SSH2: variants seen among roughly 807,000 people sequenced by gnomAD.
SSH2 encodes slingshot protein phosphatase 2, also known as protein phosphatase Slingshot homolog 2.
A neutral mutation model predicts 135.2 loss-of-function variants in SSH2; 37 were observed. The observed-to-expected ratio is 0.27, with a 90% CI of 0.21 to 0.36. The LOEUF (loss-of-function observed/expected upper bound fraction) is 0.36. Ranked by LOEUF, SSH2 falls within the 10% of genes least tolerant of loss-of-function variation. SSH2 has a pLI of 1.00. For missense variants in SSH2, 1,408 were observed against 1,765.3 expected (o/e 0.80, Z 3.63); for synonymous variants, 628 against 646.2 (o/e 0.97, Z 0.43).
intron 3 of SSH2, among the ~76,000 whole-genome samples, chr17:29,731,428 T>C (rs2040192541): frequency 1.4e-5 from 1 of 71,790 alleles, no homozygotes; most frequent in African/African-American, 6.1e-5. Context: ...TTTATTTATT[T>C]ATTTATTTAT....
chr17:29,719,606 A>G (rs1346861618), intron 3 of SSH2, among the ~76,000 whole-genome samples: 1 of 151,216 alleles, frequency 6.6e-6, no homozygotes, highest in Non-Finnish European at 1.5e-5. Context: ...GATGCCTAGT[A>G]CTTTACAACC....
intron 11 of SSH2, among the ~76,000 whole-genome samples, chr17:29,656,065 C>T (rs1415715845): frequency 3.9e-5 from 6 of 152,242 alleles, no homozygotes; most frequent in African/African-American, 1.2e-4. Flanking sequence ...TGGAAACCCA[C>T]GCACCTTGCA....
chr17:29,699,834 G>C (rs1269545701), intron 4 of SSH2, among the ~76,000 whole-genome samples: 1 of 152,128 alleles, frequency 6.6e-6, no homozygotes, highest in African/African-American at 2.4e-5. Context: ...TTTTGGGGAA[G>C]TGTCCTCCCC....
intron 11 of SSH2, among the ~76,000 whole-genome samples, chr17:29,656,737 TC>T (rs953967493): frequency 1.3e-5 from 2 of 152,166 alleles, no homozygotes; most frequent in African/African-American, 4.8e-5. Flanking sequence ...TCATACTTTT[TC>T]CCCCTGAACC....
chr17:29,690,836 G>A (rs1404191595), intron 5 of SSH2, among the ~76,000 whole-genome samples: 2 of 151,918 alleles, frequency 1.3e-5, no homozygotes, highest in African/African-American at 4.8e-5. Flanking sequence ...GATAAACTAT[G>A]AAGAAAGTAG....
At chr17:29,642,575 C>A (rs538206900) in intron 14 of SSH2, among the ~76,000 whole-genome samples, 2 of 151,872 alleles carry the variant, frequency 1.3e-5, no homozygotes, top group African/African-American at 4.8e-5. Context: ...ACCACCCCCC[C>A]CACCGCCTCT....
chr17:29,660,919 T>C (rs1341934210), intron 11 of SSH2, among the ~76,000 whole-genome samples: 1 of 151,542 alleles, frequency 6.6e-6, no homozygotes, highest in East Asian at 1.9e-4. Context: ...TAGCCTGGTA[T>C]GGTGGTGCGT....
Position 29,632,677 on chromosome 17 carries a change from G to C in SSH2, c.2517C>G (p.Ala839=), listed in dbSNP as rs777116698. 6.2e-7 allele frequency: 1 copy of C among 1,614,094 alleles called. No homozygotes were observed. Among genetic ancestry groups the C allele is most frequent in the South Asian group, 1.1e-5 (1 of 91,084 alleles). ...CTGAGTCTTTGGCTAGTTCAGGCTG[G>C]GCTGTGCAGGAGTCCTCATCTTGCT... ...HMEQDEDSCT[A]QPELAKDSGM... is the part of the protein sequence containing the mutation. Residue 839 remains alanine, a synonymous_variant, in exon 16 of 16, where the codon GCC becomes GCG. Coordinates refer to ENST00000540801, the MANE Select transcript of SSH2 (RefSeq NM_001282129.2).
chr17:29,928,428 T>C lies in SSH2; in HGVS notation c.63+1510A>G, dbSNP rs2067109311. ...AGTCCCCCACTGCAGGAATTCTTTA[T>C]ACCACCTCCCAGGCAAAATGTTCTC... On this transcript the variant is annotated intron_variant, in intron 1 of 15. Coordinates refer to ENST00000540801, the MANE Select transcript of SSH2 (RefSeq NM_001282129.2). 1.3e-5 allele frequency: 5 copies of C among 398,116 alleles called. No individual in the cohort carries two copies. The South Asian group carries it at 3.9e-4, about 31-fold the overall frequency. 24.7% of individuals were successfully genotyped at this position (398,116 alleles called of 1,614,324 possible).
intron 3 of SSH2, among the ~76,000 whole-genome samples, chr17:29,719,612 C>G (rs1230764152): frequency 6.7e-6 from 1 of 149,128 alleles, no homozygotes; most frequent in Non-Finnish European, 1.5e-5. Flanking sequence ...TAGTACTTTA[C>G]AACCACTATC....
chr17:29,686,954 C>T (rs1429058103), intron 5 of SSH2, among the ~76,000 whole-genome samples: 3 of 152,200 alleles, frequency 2.0e-5, no homozygotes, highest in Non-Finnish European at 4.4e-5. Context: ...GGATTACAGG[C>T]GTGAGCCACC....
At chr17:29,848,561 A>G (rs1259741030) in intron 2 of SSH2, among the ~76,000 whole-genome samples, 1 of 151,996 alleles carries the variant, frequency 6.6e-6, no homozygotes, top group Non-Finnish European at 1.5e-5. Flanking sequence ...AAAGAGTCAC[A>G]CTCTTTATTG....
At chr17:29,689,872 G>A (rs1446285023) in intron 5 of SSH2, among the ~76,000 whole-genome samples, 1 of 151,722 alleles carries the variant, frequency 6.6e-6, no homozygotes, top group Non-Finnish European at 1.5e-5. Context: ...AAATTAGCAG[G>A]GCATCATGGC....
intron 1 of SSH2, among the ~76,000 whole-genome samples, chr17:29,892,113 G>A (rs2066361963): frequency 6.6e-6 from 1 of 151,414 alleles, no homozygotes; most frequent in African/African-American, 2.4e-5. Flanking sequence ...TGTTGCCCAG[G>A]TTGGCCTTGA....
At chr17:29,844,181 T>C (rs1418468225) in intron 2 of SSH2, among the ~76,000 whole-genome samples, 2 of 152,114 alleles carry the variant, frequency 1.3e-5, no homozygotes, top group East Asian at 1.9e-4. Flanking sequence ...TTCAAGAATA[T>C]AACAAACCAA....
intron 1 of SSH2, among the ~76,000 whole-genome samples, chr17:29,909,044 T>C (rs2066715046): frequency 6.6e-6 from 1 of 151,910 alleles, no homozygotes; most frequent in African/African-American, 2.4e-5. Context: ...GCCACTGCAC[T>C]CCAGCCTGGG....
intron 1 of SSH2, among the ~76,000 whole-genome samples, chr17:29,850,878 G>A (rs1349188994): frequency 1.3e-5 from 2 of 152,046 alleles, no homozygotes; most frequent in African/African-American, 4.8e-5. Context: ...CCACCTACTC[G>A]GGAGGTTGAG....
intron 1 of SSH2, among the ~76,000 whole-genome samples, chr17:29,922,222 G>T (rs1318596361): frequency 6.6e-6 from 1 of 152,202 alleles, no homozygotes; most frequent in Non-Finnish European, 1.5e-5. Context: ...GCAGGGACTT[G>T]GGAAGAGACA....
At chr17:29,665,998 T>A (rs2037255595) in intron 11 of SSH2, among the ~76,000 whole-genome samples, 1 of 152,216 alleles carries the variant, frequency 6.6e-6, no homozygotes, top group South Asian at 2.1e-4. Flanking sequence ...CTCAGATATA[T>A]CAGAACTTAG....
Sources: gnomAD v4.1 joint callset for allele counts (sites outside exome capture counted in the v4.1 genomes callset) on GRCh38, gnomAD v4.1.1 for gene constraint, MANE v1.5 for transcripts, NCBI Gene and HGNC (gene_info 2026-07-23, HGNC 2026-07-21) for gene names.